MESD: variants seen among roughly 807,000 people sequenced by gnomAD.
MESD encodes the protein mesoderm development LRP chaperone.
A neutral mutation model predicts 12.9 loss-of-function variants in MESD; 7 were observed. That is an observed-to-expected ratio of 0.54 (90% CI 0.31 to 1.02). The LOEUF is 1.02. Ranked by LOEUF, MESD falls within the 50% of genes least tolerant of loss-of-function variation. The pLI is 0.05. For missense variants in MESD, 342 were observed against 296.7 expected (o/e 1.15, Z -1.12); for synonymous variants, 126 against 115.6 (o/e 1.09, Z -0.58).
intron 1 of MESD, among the ~76,000 whole-genome samples, chr15:80,989,226 G>A (rs55826659): frequency 0.17 from 25,862 of 152,108 alleles, 2,315 homozygotes; most frequent in African/African-American, 0.24. Context: ...CACTCTCCCT[G>A]TTTGCAGGGC....
downstream of MESD, among the ~76,000 whole-genome samples, chr15:80,972,590 A>G (rs1902311654): frequency 6.6e-6 from 1 of 152,250 alleles, no homozygotes; most frequent in Admixed American, 6.5e-5. Context: ...AGGCACGTGT[A>G]AGTAACAAAA....
rs1400392943 is a variant in MESD at position 80,950,659 on chromosome 15, T to A, written c.*626+1300A>T. 2.0e-5 allele frequency: 3 copies of A among 152,508 alleles called. No homozygotes were observed. In the East Asian group the frequency reaches 5.8e-4, roughly 29 times the overall value. The allele number at this position is 152,508 out of a possible 1,614,324, so 9.4% of individuals were successfully genotyped here. ...GTTTCTGGTGAGCCAATTTGGCTGATCTTGGGTGTCTGAACAGCTATTGGG... is the reference window on the plus strand; with the variant it reads ...GTTTCTGGTGAGCCAATTTGGCTGAACTTGGGTGTCTGAACAGCTATTGGG... On this transcript the variant is annotated intron_variant, in intron 4 of 4. Coordinates refer to the MESD transcript ENST00000561312.
intron 3 of MESD, among the ~76,000 whole-genome samples, chr15:80,956,089 C>A (rs1209278389): frequency 1.3e-5 from 2 of 152,004 alleles, no homozygotes; most frequent in African/African-American, 2.4e-5. Flanking sequence ...ACTCAGCAGG[C>A]TGAGGTGGGA....
At chr15:80,986,234 G>A (rs1030786448) in intron 1 of MESD, among the ~76,000 whole-genome samples, 5 of 152,206 alleles carry the variant, frequency 3.3e-5, no homozygotes, top group Admixed American at 1.3e-4. Flanking sequence ...CATAAGTGGA[G>A]ATTAGAATTG....
intron 4 of MESD, chr15:80,949,292 G>A: frequency 2.7e-6 from 1 of 366,448 alleles, no homozygotes; most frequent in Non-Finnish European, 5.3e-6. Flanking sequence ...CCAGCTAGGA[G>A]GTAGTCTGGA....
intron 3 of MESD, among the ~76,000 whole-genome samples, chr15:80,967,917 T>C (rs1054273718): frequency 1.3e-5 from 2 of 152,230 alleles, no homozygotes; most frequent in Non-Finnish European, 2.9e-5. Flanking sequence ...TTCAACAAGA[T>C]CTATGGAGAG....
intron 3 of MESD, among the ~76,000 whole-genome samples, chr15:80,966,149 T>C (rs1902171565): frequency 6.6e-6 from 1 of 152,154 alleles, no homozygotes; most frequent in Non-Finnish European, 1.5e-5. Context: ...GAAATAACCA[T>C]TTTAGAAAAT....
chr15:80,984,932 C>G (rs909314915), intron 1 of MESD, among the ~76,000 whole-genome samples: 1 of 152,036 alleles, frequency 6.6e-6, no homozygotes, highest in Non-Finnish European at 1.5e-5. Flanking sequence ...TGATCCATAC[C>G]GACGTCAGAC....
intron 3 of MESD, among the ~76,000 whole-genome samples, chr15:80,966,272 G>A (rs1049398773): frequency 2.0e-5 from 3 of 152,040 alleles, no homozygotes; most frequent in African/African-American, 7.2e-5. Flanking sequence ...GCATGGGTAT[G>A]AAGATGCTCA....
intron 2 of MESD, among the ~76,000 whole-genome samples, chr15:80,981,308 G>A (rs910927953): frequency 5.3e-5 from 8 of 151,588 alleles, no homozygotes; most frequent in Admixed American, 1.3e-4. Flanking sequence ...GTGGTGGCAG[G>A]TGCCTGTAGT....
chr15:80,989,320 C>A (rs1893229786), intron 1 of MESD, among the ~76,000 whole-genome samples: 4 of 152,100 alleles, frequency 2.6e-5, no homozygotes, highest in Admixed American at 6.5e-5. Context: ...AGGGGCAGAT[C>A]CGTGATTGAA....
intron 1 of MESD, among the ~76,000 whole-genome samples, chr15:80,988,305 C>T (rs1902789262): frequency 6.6e-6 from 1 of 152,206 alleles, no homozygotes; most frequent in East Asian, 1.9e-4. Context: ...ATGTGTTTTT[C>T]TTGGCCTTCA....
rs763385906 is a variant in MESD at position 80,979,344 on chromosome 15, C to T, written c.580G>A (p.Gly194Arg). The change falls in exon 3 of 3, where the codon GGA becomes AGA. Residue 194 changes from glycine to arginine, a missense_variant. Transcript: ENST00000261758. The part of the protein sequence containing the change: ...TLEGQVYPGK[G>R]GGSKEKNKTK... ...TTATTTTTCTCTTTGCTTCCTCCTC[C>T]TTTGCCGGGGTACACCTGGCCCTCC... 5 of 1,614,162 alleles carry T rather than the reference C, an allele frequency of 3.1e-6. No homozygotes were observed. In the Admixed American group the frequency reaches 8.3e-5, roughly 27 times the overall value.
At chr15:80,967,865 G>A (rs1276918748) in intron 3 of MESD, among the ~76,000 whole-genome samples, 1 of 152,204 alleles carries the variant, frequency 6.6e-6, no homozygotes, top group Non-Finnish European at 1.5e-5. Flanking sequence ...TGCAAGTTGG[G>A]CTGCTGAGAT....
At chr15:80,984,135 G>A (rs1003661525) in intron 1 of MESD, among the ~76,000 whole-genome samples, 6 of 151,934 alleles carry the variant, frequency 3.9e-5, no homozygotes, top group African/African-American at 1.2e-4. Flanking sequence ...TCCTGACCTC[G>A]TGATCTGCCC....
At chr15:80,958,630 GC>G (rs1271973221) in intron 3 of MESD, among the ~76,000 whole-genome samples, 1 of 151,844 alleles carries the variant, frequency 6.6e-6, no homozygotes. Context: ...ACCGTGCCTG[GC>G]CTTAGGCATT....
intron 1 of MESD, 55 bp from the exon 2 acceptor site, chr15:80,982,237 T>C (rs906329470): frequency 6.1e-6 from 9 of 1,465,242 alleles, no homozygotes; most frequent in African/African-American, 5.6e-5. Context: ...GCTTTTCAAC[T>C]GGCACAGGCA....
Position 80,989,626 on chromosome 15 carries a change from G to C in MESD, c.166C>G (p.Arg56Gly). 1 of 1,614,018 alleles carries C rather than the reference G, an allele frequency of 6.2e-7. No individual in the cohort carries two copies. The highest frequency in any genetic ancestry group is 8.5e-7 in the Non-Finnish European group (1 of 1,180,012). ...PPPRKKKKDI[R>G]DYNDADMARL... is the part of the protein sequence containing the mutation. ...GCCATGTCTGCATCATTGTAATCGCGAATATCCTTCTTCTTCTTCCGGGGA... is the reference window on the plus strand; with the variant it reads ...GCCATGTCTGCATCATTGTAATCGCCAATATCCTTCTTCTTCTTCCGGGGA... The change falls in exon 1 of 3, where the codon CGC becomes GGC. Residue 56 changes from arginine to glycine, a missense_variant. Arg to Gly is a moderately radical substitution (Grantham distance 125). Coordinates refer to ENST00000261758, the MANE Select transcript of MESD (RefSeq NM_015154.3).
In MESD at chr15:80,979,119, C is replaced by G; in HGVS notation, c.*100G>C. 2 of 1,466,546 alleles carry G rather than the reference C, an allele frequency of 1.4e-6. No homozygotes were observed. Among genetic ancestry groups the G allele is most frequent in the Non-Finnish European group, 1.8e-6 (2 of 1,088,670 alleles). 90.8% of individuals were successfully genotyped at this position (1,466,546 alleles called of 1,614,324 possible). Reference sequence around the variant, plus strand: ...CCCTTTCTAGAAGACACTAGAATGTCATCCGGTGTGCAGTTGCCTGAGACC... The same window carrying G: ...CCCTTTCTAGAAGACACTAGAATGTGATCCGGTGTGCAGTTGCCTGAGACC... On this transcript the variant is annotated 3_prime_UTR_variant, in exon 3 of 3. Transcript: ENST00000261758.
Sources: allele counts gnomAD v4.1 joint callset (sites outside exome capture counted in the v4.1 genomes callset), GRCh38; gene constraint gnomAD v4.1.1; transcripts MANE v1.5; gene names NCBI Gene and HGNC (gene_info 2026-07-23, HGNC 2026-07-21).